Variants in TENM2 observed in about 807,000 individuals in gnomAD.
The protein encoded by TENM2 is teneurin-2.
A neutral mutation model predicts 245.2 loss-of-function variants in TENM2; 52 were observed. The ratio of observed to expected loss-of-function variants is 0.21; its 90% CI spans 0.17 to 0.27. The LOEUF is 0.27. Among genes scored for constraint, TENM2 ranks in the 10% least tolerant of loss-of-function variants. The pLI, the probability that TENM2 is intolerant of heterozygous loss-of-function variation, is 1.00. For synonymous variants in TENM2, 1,363 were observed against 1,438.9 expected, an observed-to-expected ratio of 0.95 and a Z score of 1.19; for missense variants, 3,046 against 3,666.8, an observed-to-expected ratio of 0.83 and a Z score of 4.37.
intron 2 of TENM2, among the ~76,000 whole-genome samples, chr5:167,607,513 G>T: frequency 6.6e-6 from 1 of 152,172 alleles, no homozygotes; most frequent in East Asian, 1.9e-4. Context: ...CATTTGGCCT[G>T]CACACTGTCA....
chr5:167,379,003 G>A (rs1296974541), intron 2 of TENM2, among the ~76,000 whole-genome samples: 1 of 151,912 alleles, frequency 6.6e-6, no homozygotes, highest in East Asian at 1.9e-4. Context: ...GGCAGTAAGT[G>A]AAATCTGGTG....
At chr5:167,443,174 T>C (rs1224857305) in intron 2 of TENM2, among the ~76,000 whole-genome samples, 1 of 152,086 alleles carries the variant, frequency 6.6e-6, no homozygotes, top group Non-Finnish European at 1.5e-5. Context: ...CACAACTTTT[T>C]CTCCTTTTGC....
In TENM2 at chr5:167,330,520, T is replaced by A. The variant is rs77593031; in HGVS notation, c.227-44678T>A. 2.4e-3 allele frequency among the ~76,000 whole-genome samples: 358 copies of A among 152,126 alleles called. 1 individual carries two copies. Among genetic ancestry groups the A allele is most frequent in the African/African-American group, 8.0e-3 (333 of 41,508 alleles). ...AAAAGGCAGAGTGAGAACGAGCTGT[T>A]TTCACAGAGAGTAGTCTCTCCCTGT... On this transcript the variant is annotated intron_variant, in intron 1 of 28. Transcript: ENST00000518659.
At chr5:167,653,627 G>A (rs1441777791) in intron 2 of TENM2, 1 of 152,046 alleles carries the variant, frequency 6.6e-6, no homozygotes, top group Non-Finnish European at 1.5e-5. Flanking sequence ...TGCATCCCCA[G>A]TGTCTACTTT....
chr5:167,762,871 A>T (rs1056315997), intron 2 of TENM2, among the ~76,000 whole-genome samples: 2 of 152,202 alleles, frequency 1.3e-5, no homozygotes, highest in African/African-American at 4.8e-5. Context: ...TCCGCTCCAA[A>T]AGCTGCTGTC....
At chr5:167,229,321 C>T in the TENM2 span, among the ~76,000 whole-genome samples, 1 of 152,170 alleles carries the variant, frequency 6.6e-6, no homozygotes, top group Non-Finnish European at 1.5e-5. Context: ...ACACTGGCAC[C>T]AATTTAGCAG....
the TENM2 span, among the ~76,000 whole-genome samples, chr5:167,135,680 G>C: frequency 6.6e-6 from 1 of 152,140 alleles, no homozygotes; most frequent in African/African-American, 2.4e-5. Context: ...AGGAGGCTGA[G>C]GCAGGAGACT....
intron 25 of TENM2, among the ~76,000 whole-genome samples, chr5:168,231,643 T>G (rs979912746): frequency 1.3e-5 from 2 of 152,078 alleles, no homozygotes; most frequent in Non-Finnish European, 2.9e-5. Context: ...CTCATGCTTG[T>G]TTTCCCAACA....
intron 5 of TENM2, among the ~76,000 whole-genome samples, chr5:167,999,818 C>T (rs1359160262): frequency 2.6e-5 from 4 of 152,176 alleles, no homozygotes; most frequent in South Asian, 2.1e-4. Context: ...AGCCAGGAAA[C>T]AGGTTCTGGT....
Position 168,104,719 on chromosome 5 carries a change from G to A in TENM2, c.1813+6592G>A, listed in dbSNP as rs75255783. ...TTGCAGTGAATGGAGGAATCAGTCA[G>A]CATGCGTTTGCAAGAGCGTTTATTC... On this transcript the variant is annotated intron_variant, in intron 9 of 28. Transcript: ENST00000518659. Among the ~76,000 whole-genome samples, 10 of 152,260 alleles carry A rather than the reference G, an allele frequency of 6.6e-5. No individual in the cohort carries two copies. In the East Asian group the frequency reaches 1.9e-3, roughly 29 times the overall value.
intron 1 of TENM2, among the ~76,000 whole-genome samples, chr5:167,350,993 TGG>T (rs1758859250): frequency 1.1e-5 from 1 of 93,894 alleles, no homozygotes; most frequent in Admixed American, 1.3e-4. Flanking sequence ...GATATATATA[TGG>T]ATTATATACA....
At chr5:167,174,742 G>A in the TENM2 span, among the ~76,000 whole-genome samples, 6 of 151,806 alleles carry the variant, frequency 4.0e-5, no homozygotes, top group African/African-American at 1.5e-4. Flanking sequence ...TAGTCAACAC[G>A]CTGTACATTA....
intron 2 of TENM2, among the ~76,000 whole-genome samples, chr5:167,597,461 C>A (rs536255877): frequency 1.3e-5 from 2 of 152,152 alleles, no homozygotes; most frequent in Admixed American, 6.5e-5. Flanking sequence ...GGATTACAGG[C>A]GTGAGCCACC....
chr5:168,189,663 A>G (rs1383070179), intron 13 of TENM2, among the ~76,000 whole-genome samples: 1 of 152,186 alleles, frequency 6.6e-6, no homozygotes, highest in African/African-American at 2.4e-5. Flanking sequence ...CAGGTTTCCA[A>G]TTGGTCAGCA....
chr5:167,304,618 C>T (rs537316216), intron 1 of TENM2, among the ~76,000 whole-genome samples: 1 of 151,964 alleles, frequency 6.6e-6, no homozygotes, highest in Non-Finnish European at 1.5e-5. Context: ...CCATAAGAAA[C>T]TGTGTGATTT....
At chr5:167,865,825 C>T (rs903710218) in intron 2 of TENM2, among the ~76,000 whole-genome samples, 14 of 152,180 alleles carry the variant, frequency 9.2e-5, no homozygotes, top group African/African-American at 3.4e-4. Flanking sequence ...AAGATACTTA[C>T]ACACTGAGAG....
chr5:167,811,981 T>G (rs1186113366), intron 2 of TENM2, among the ~76,000 whole-genome samples: 2 of 152,154 alleles, frequency 1.3e-5, no homozygotes, highest in Non-Finnish European at 2.9e-5. Context: ...CACAAGGACG[T>G]CATTTCAGCT....
chr5:167,671,111 A>G (rs2024402800), intron 2 of TENM2, among the ~76,000 whole-genome samples: 1 of 152,180 alleles, frequency 6.6e-6, no homozygotes, highest in African/African-American at 2.4e-5. Flanking sequence ...GTTGAAGTAT[A>G]GAGGATATAG....
At chr5:167,357,414 C>A (rs2127253169) in intron 1 of TENM2, among the ~76,000 whole-genome samples, 1 of 151,764 alleles carries the variant, frequency 6.6e-6, no homozygotes, top group African/African-American at 2.4e-5. Flanking sequence ...TCCCGAGTAG[C>A]TGGGATTACA....
Sources: gnomAD v4.1 joint callset for allele counts (sites outside exome capture counted in the v4.1 genomes callset) on GRCh38, gnomAD v4.1.1 for gene constraint, MANE v1.5 for transcripts, NCBI Gene and HGNC (gene_info 2026-07-23, HGNC 2026-07-21) for gene names.